The following TRIM62 variants were observed in gnomAD, a reference collection of about 807,000 sequenced individuals.
TRIM62 encodes tripartite motif containing 62, also known as E3 ubiquitin-protein ligase TRIM62.
Under a neutral mutation model 44.2 loss-of-function variants are expected in TRIM62, and 39 were observed. The ratio of observed to expected loss-of-function variants is 0.88; its 90% confidence interval spans 0.68 to 1.15. The LOEUF (loss-of-function observed/expected upper bound fraction) is 1.15. Among genes scored for constraint, TRIM62 ranks in the 50% most tolerant of loss-of-function variants. The probability of loss-of-function intolerance (pLI) is 0.00; values close to 1 mark genes in which losing one functional copy is unlikely to be tolerated. For missense variants in TRIM62, 544 were observed against 665.5 expected (o/e 0.82, Z 2.01); for synonymous variants, 278 against 292.3 (o/e 0.95, Z 0.50).
At chr1:33,171,263 G>A (rs772534173) in intron 1 of TRIM62, among the ~76,000 whole-genome samples, 3 of 152,220 alleles carry the variant, frequency 2.0e-5, no homozygotes, top group Non-Finnish European at 4.4e-5. Flanking sequence ...CACTGGTAAC[G>A]GCAGAGACCC....
intron 2 of TRIM62, among the ~76,000 whole-genome samples, chr1:33,162,691 A>G (rs1364736802): frequency 6.6e-6 from 1 of 151,930 alleles, no homozygotes; most frequent in East Asian, 1.9e-4. Flanking sequence ...GATGGGAGGG[A>G]AAGGGGGGAA....
In TRIM62 at chr1:33,146,674, A is replaced by G. The variant is rs926769452; in HGVS notation, c.*503T>C. The G allele has an allele frequency of 2.4e-5, 4 of 166,506 alleles. No individual in the cohort carries two copies. The highest frequency in any genetic ancestry group is 9.6e-5 in the African/African-American group (4 of 41,666). 10.3% of individuals were successfully genotyped at this position (166,506 alleles called of 1,614,324 possible). A position where few individuals can be genotyped will look rare whatever the true frequency, so the allele number is the denominator to read the frequency against. ...GGCAGGAGAGGTTGGCTCTCAGGCAACCCTAGGACCAGGTACTACCTGTGA... is the reference window on the plus strand; with the variant it reads ...GGCAGGAGAGGTTGGCTCTCAGGCAGCCCTAGGACCAGGTACTACCTGTGA... On this transcript the variant is annotated 3_prime_UTR_variant, in exon 5 of 5. Coordinates refer to ENST00000291416, the MANE Select transcript of TRIM62 (RefSeq NM_018207.3).
In TRIM62 at chr1:33,147,734, G is replaced by A. The variant is rs1355010442; in HGVS notation, c.878-7C>T. On this transcript the variant is annotated splice_polypyrimidine_tract_variant and splice_region_variant and intron_variant, in intron 4 of 4. Coordinates refer to ENST00000291416, the MANE Select transcript of TRIM62 (RefSeq NM_018207.3). The surrounding 1 kb of genome is among the most constrained non-coding windows in gnomAD (Gnocchi z 8.1). ...AGGGTTAGGGCGGCTGGCACTGTGG[G>A]GGTTGGAGGAGGGAGAGAAGATGAG... The A allele has an allele frequency of 1.2e-6, 2 of 1,605,428 alleles. No individual in the cohort carries two copies. The highest frequency in any genetic ancestry group is 1.1e-5 in the South Asian group (1 of 90,598).
Position 33,147,428 on chromosome 1 carries a change from C to A in TRIM62, c.1177G>T (p.Asp393Tyr). ...GTGCAGGCGCTGTACTGGTTGCCAT[C>A]GTGCATCACGATGCAGTAGAAGCCG... ...SRGFYCIVMH[D>Y]GNQYSACTEP... The change falls in exon 5 of 5, where the codon GAT becomes TAT. Residue 393 changes from aspartate (D) to tyrosine (Y), a missense_variant. By Grantham distance (160) the Asp-to-Tyr change is radical (BLOSUM62 -3). Transcript: ENST00000291416. The surrounding 1 kb of genome is among the most constrained non-coding windows in gnomAD (Gnocchi z 8.1). 1.2e-6 allele frequency: 2 copies of A among 1,614,128 alleles called. No individual in the cohort carries two copies. The highest frequency in any genetic ancestry group is 1.1e-5 in the South Asian group (1 of 91,082).
In TRIM62 at chr1:33,177,466, G is replaced by C. The variant is rs947055634; in HGVS notation, c.408+3559C>G. Among the ~76,000 whole-genome samples, 1 of 152,146 alleles carries C rather than the reference G, an allele frequency of 6.6e-6. No homozygotes were observed. The highest frequency in any genetic ancestry group is 6.5e-5 in the Admixed American group (1 of 15,276). ...TGACCAAGGACACACAGCATGTCAG[G>C]ATCTGACCCCTGTGATGTAATCTGG... On this transcript the variant is annotated intron_variant, in intron 1 of 4. Coordinates refer to ENST00000291416, the MANE Select transcript of TRIM62 (RefSeq NM_018207.3). The surrounding 1 kb of genome is among the most constrained non-coding windows in gnomAD (Gnocchi z 4.1).
At chr1:33,150,622 G>A (rs1327024641) in intron 4 of TRIM62, among the ~76,000 whole-genome samples, 1 of 152,214 alleles carries the variant, frequency 6.6e-6, no homozygotes, top group East Asian at 1.9e-4. Flanking sequence ...CGGCCACTGA[G>A]TTGGTGGCTG....
At chr1:33,176,736 C>A (rs1366343433) in intron 1 of TRIM62, among the ~76,000 whole-genome samples, 2 of 152,220 alleles carry the variant, frequency 1.3e-5, no homozygotes, top group Admixed American at 1.3e-4. Context: ...AGACTGGCTT[C>A]CAATCCTGGC....
At chr1:33,174,370 G>T (rs1645397213) in intron 1 of TRIM62, among the ~76,000 whole-genome samples, 1 of 152,106 alleles carries the variant, frequency 6.6e-6, no homozygotes, top group Non-Finnish European at 1.5e-5. Flanking sequence ...TTTTTATAGA[G>T]ATAGGGTTTT....
rs1491283918 is a variant in TRIM62, at chr1:33,177,038, TGC to T, written c.408+3985_408+3986del. 1.7e-5 allele frequency among the ~76,000 whole-genome samples: 1 copy of T among 60,404 alleles called. No homozygotes were observed. The highest frequency in any genetic ancestry group is 8.0e-5 in the African/African-American group (1 of 12,444). 39.6% of individuals were successfully genotyped at this position (60,404 alleles called of 152,430 possible). ...AGGAAGACACCAACACACATACACATGCACACACACACGCACACACACACACA... is the reference window on the plus strand; with the variant it reads ...AGGAAGACACCAACACACATACACATACACACACACGCACACACACACACA... On this transcript the variant is annotated intron_variant, in intron 1 of 4. Coordinates refer to ENST00000291416, the MANE Select transcript of TRIM62 (RefSeq NM_018207.3). This position sits in a 1 kb window ranked among gnomAD's most constrained non-coding sequence, Gnocchi z 4.1.
In TRIM62 at chr1:33,159,612, G is replaced by C. The variant is rs1645232687; in HGVS notation, c.761+76C>G. 3 of 1,511,040 alleles carry C rather than the reference G, an allele frequency of 2.0e-6. No individual in the cohort carries two copies. In the Admixed American group the frequency reaches 6.2e-5, roughly 31 times the overall value. The allele number at this position is 1,511,040 out of a possible 1,614,324, so 93.6% of individuals were successfully genotyped here. Reference sequence around the variant, plus strand: ...GAATTCTCTGCTAAGGATCCCATCTGCCTCCACTCCCACTGCCCAGCATGG... The same window carrying C: ...GAATTCTCTGCTAAGGATCCCATCTCCCTCCACTCCCACTGCCCAGCATGG... On this transcript the variant is annotated intron_variant, in intron 3 of 4. Transcript: ENST00000291416. The surrounding 1 kb of genome is among the most constrained non-coding windows in gnomAD (Gnocchi z 4.2).
Position 33,167,904 on chromosome 1 carries a change from G to A in TRIM62, c.409-2338C>T, listed in dbSNP as rs1222128226. Among the ~76,000 whole-genome samples the A allele has an allele frequency of 6.6e-6, 1 of 152,222 alleles. No individual in the cohort carries two copies. The highest frequency in any genetic ancestry group is 1.5e-5 in the Non-Finnish European group (1 of 68,050). ...AAAACATTTCTTGGGCAACTATTAT[G>A]TACCAGGCACTGTTGAGGCACTGGG... On this transcript the variant is annotated intron_variant, in intron 1 of 4. Transcript: ENST00000291416. This position sits in a 1 kb window ranked among gnomAD's most constrained non-coding sequence, Gnocchi z 4.2.
intron 1 of TRIM62, among the ~76,000 whole-genome samples, chr1:33,170,729 A>T (rs928917335): frequency 6.6e-6 from 1 of 152,164 alleles, no homozygotes; most frequent in Non-Finnish European, 1.5e-5. Context: ...CTCCCGCTCC[A>T]ACGTGTCTCC....
At chr1:33,154,810 G>A (rs1332763231) in intron 4 of TRIM62, among the ~76,000 whole-genome samples, 1 of 143,958 alleles carries the variant, frequency 6.9e-6, no homozygotes, top group African/African-American at 2.6e-5. Flanking sequence ...AAAAAAAAAA[G>A]TGGCCAGGCG....
At chr1:33,170,218 T>A (rs1368043465) in intron 1 of TRIM62, among the ~76,000 whole-genome samples, 1 of 151,956 alleles carries the variant, frequency 6.6e-6, no homozygotes, top group African/African-American at 2.4e-5. Context: ...TAATTCCAGC[T>A]ACTTGGGAGG....
chr1:33,163,422 T>C (rs1364692388), intron 2 of TRIM62: 1 of 152,202 alleles, frequency 6.6e-6, no homozygotes, highest in Non-Finnish European at 1.5e-5. Flanking sequence ...AATCCTGCTC[T>C]CGTGGAGGTG....
At position 33,159,499 on chromosome 1, in the gene TRIM62, T is replaced by C. The variant is rs138851262; in HGVS notation, c.761+189A>G. ...CTCACCATTGCTGCTGCTCCTCTAG[T>C]TCAAGCCTCACTGGCTTCATACTCA... On this transcript the variant is annotated intron_variant, in intron 3 of 4. Transcript: ENST00000291416. This position sits in a 1 kb window ranked among gnomAD's most constrained non-coding sequence, Gnocchi z 4.2. Among the ~76,000 whole-genome samples, 101 of 152,264 alleles carry C rather than the reference T, an allele frequency of 6.6e-4. No individual in the cohort carries two copies. Among genetic ancestry groups the C allele is most frequent in the African/African-American group, 2.3e-3 (95 of 41,548 alleles).
In TRIM62 at chr1:33,177,102, T is replaced by C. The variant is rs1313896635; in HGVS notation, c.408+3923A>G. On this transcript the variant is annotated intron_variant, in intron 1 of 4. Transcript: ENST00000291416. This position sits in a 1 kb window ranked among gnomAD's most constrained non-coding sequence, Gnocchi z 4.1. ...ACATGCATGCACAAATGCACACACA[T>C]GCACACACACATGCATGTACGCATG... Among the ~76,000 whole-genome samples the C allele has an allele frequency of 6.6e-6, 1 of 150,404 alleles. No homozygotes were observed. Among genetic ancestry groups the C allele is most frequent in the Non-Finnish European group, 1.5e-5 (1 of 67,506 alleles).
Position 33,165,840 on chromosome 1 carries a change from A to G in TRIM62, c.409-274T>C, listed in dbSNP as rs951144301. On this transcript the variant is annotated intron_variant, in intron 1 of 4. Transcript: ENST00000291416. This position sits in a 1 kb window ranked among gnomAD's most constrained non-coding sequence, Gnocchi z 4.0. Reference sequence around the variant, plus strand: ...TGTGACAATCGACTTCCACATACACACTCTCTGGCTCCCCACACTTGGCCC... The same window carrying G: ...TGTGACAATCGACTTCCACATACACGCTCTCTGGCTCCCCACACTTGGCCC... 1 of 286,768 alleles carries G rather than the reference A, an allele frequency of 3.5e-6. No individual in the cohort carries two copies. The highest frequency in any genetic ancestry group is 6.5e-6 in the Non-Finnish European group (1 of 153,968). The allele number at this position is 286,768 out of a possible 1,614,324, so 17.8% of individuals were successfully genotyped here. A position where few individuals can be genotyped will look rare whatever the true frequency, so the allele number is the denominator to read the frequency against.
rs1252878926 is a variant in TRIM62 at position 33,177,474 on chromosome 1, C to A, written c.408+3551G>T. The stretch of plus-strand genomic sequence containing the variant: ...GACACACAGCATGTCAGGATCTGAC[C>A]CCTGTGATGTAATCTGGAGTACAAA... On this transcript the variant is annotated intron_variant, in intron 1 of 4. Transcript: ENST00000291416. The surrounding 1 kb of genome is among the most constrained non-coding windows in gnomAD (Gnocchi z 4.1). Among the ~76,000 whole-genome samples the A allele has an allele frequency of 6.6e-6, 1 of 151,998 alleles. No individual in the cohort carries two copies. Among genetic ancestry groups the A allele is most frequent in the Non-Finnish European group, 1.5e-5 (1 of 68,006 alleles).
Sources: gnomAD v4.1 joint callset for allele counts (sites outside exome capture counted in the v4.1 genomes callset) on GRCh38, gnomAD v4.1.1 for gene constraint, Gnocchi (gnomAD v3.1) non-coding constraint, MANE v1.5 for transcripts, NCBI Gene and HGNC (gene_info 2026-07-23, HGNC 2026-07-21) for gene names.